TNFRSF19: variants seen among roughly 807,000 people sequenced by gnomAD.
The protein encoded by TNFRSF19 is TNF receptor superfamily member 19.
TNFRSF19 carries 27 observed loss-of-function variants against 46.4 expected under a neutral mutation model. The observed-to-expected ratio is 0.58, with a 90% CI of 0.43 to 0.80. The LOEUF is 0.80. TNFRSF19 is among the 30% of genes least tolerant of loss of function. The pLI, the probability that TNFRSF19 is intolerant of heterozygous loss-of-function variation, is 0.00. For missense variants in TNFRSF19, 511 were observed against 530.8 expected, an observed-to-expected ratio of 0.96 and a Z score of 0.37; for synonymous variants, 204 against 205.0, an observed-to-expected ratio of 1.00 and a Z score of 0.04.
At chr13:23,590,710 A>G (rs1341770468) in intron 2 of TNFRSF19, among the ~76,000 whole-genome samples, 1 of 152,232 alleles carries the variant, frequency 6.6e-6, no homozygotes, top group African/African-American at 2.4e-5. Flanking sequence ...TTTTGCATGT[A>G]ATTAATAAGT....
At chr13:23,615,699 T>A (rs1881230630) in intron 3 of TNFRSF19, among the ~76,000 whole-genome samples, 168 bp from the exon 4 acceptor site, 1 of 152,190 alleles carries the variant, frequency 6.6e-6, no homozygotes, top group South Asian at 2.1e-4. Context: ...GTAAGAGAGA[T>A]CATTAGCAGT....
At chr13:23,651,840 CTTTTTTT>C (rs71070609) in intron 5 of TNFRSF19, among the ~76,000 whole-genome samples, 7 of 35,994 alleles carry the variant, frequency 1.9e-4, no homozygotes, top group Non-Finnish European at 3.3e-4. Context: ...ACACTATAGT[CTTTTTTT>C]TTTTTTTTTT....
intron 3 of TNFRSF19, among the ~76,000 whole-genome samples, chr13:23,600,317 C>T (rs947275757): frequency 2.6e-5 from 4 of 152,140 alleles, no homozygotes; most frequent in African/African-American, 9.7e-5. Context: ...CAGAGAATCA[C>T]AATACACTGC....
chr13:23,619,822 C>T (rs1384321699), intron 4 of TNFRSF19, among the ~76,000 whole-genome samples: 3 of 152,108 alleles, frequency 2.0e-5, no homozygotes, highest in Admixed American at 2.0e-4. Flanking sequence ...TGGGGAAAGG[C>T]CTGACCTAGG....
chr13:23,586,630 G>C (rs1300146345), intron 1 of TNFRSF19, among the ~76,000 whole-genome samples: 3 of 152,216 alleles, frequency 2.0e-5, no homozygotes, highest in Admixed American at 2.0e-4. Flanking sequence ...GGCACAAGGG[G>C]TGTGCATTAT....
chr13:23,660,419 A>T lies in TNFRSF19; in HGVS notation c.665A>T (p.Asp222Val), dbSNP rs2138392954. 1 of 1,613,918 alleles carries T rather than the reference A, an allele frequency of 6.2e-7. No homozygotes were observed. The highest frequency in any genetic ancestry group is 8.5e-7 in the Non-Finnish European group (1 of 1,180,020). Residue 222 changes from aspartate (D) to valine (V), a missense_variant, in exon 7 of 10, where the codon GAC (aspartate) becomes GTC (valine). By Grantham distance (152) the Asp-to-Val change is radical. Around this residue, in one of 3 missense-constraint regions of TNFRSF19, gnomAD observed 376 missense variants for 372.7 expected, o/e 1.01. Transcript: ENST00000248484. ...AACGGCTCTGAGCTGTCGTGTTTTGACAGACCTCAGCTCCACGAATATGCC... is the reference window on the plus strand; with the variant it reads ...AACGGCTCTGAGCTGTCGTGTTTTGTCAGACCTCAGCTCCACGAATATGCC... ...QYNGSELSCF[D>V]RPQLHEYAHR...
At chr13:23,640,010 T>C (rs900265729) in intron 5 of TNFRSF19, among the ~76,000 whole-genome samples, 2 of 152,152 alleles carry the variant, frequency 1.3e-5, no homozygotes, top group Non-Finnish European at 2.9e-5. Context: ...GACCATCAAC[T>C]CACTTTATAG....
intron 1 of TNFRSF19, among the ~76,000 whole-genome samples, chr13:23,587,452 G>A (rs1244206213): frequency 6.6e-6 from 1 of 152,172 alleles, no homozygotes; most frequent in Non-Finnish European, 1.5e-5. Context: ...TCCCTTGAAG[G>A]AACAAGTTGT....
chr13:23,573,989 G>A (rs1196566962), intron 1 of TNFRSF19, among the ~76,000 whole-genome samples: 1 of 149,186 alleles, frequency 6.7e-6, no homozygotes, highest in Non-Finnish European at 1.5e-5. Flanking sequence ...GTGAACCCGG[G>A]AGGCAGAGCT....
At chr13:23,627,976 T>C (rs921948061) in intron 5 of TNFRSF19, among the ~76,000 whole-genome samples, 1 of 152,222 alleles carries the variant, frequency 6.6e-6, no homozygotes, top group African/African-American at 2.4e-5. Context: ...ATTTTTATAA[T>C]AGGTAAACAT....
chr13:23,614,585 G>A (rs565680703), intron 3 of TNFRSF19, among the ~76,000 whole-genome samples: 1 of 152,054 alleles, frequency 6.6e-6, no homozygotes, highest in South Asian at 2.1e-4. Context: ...TGCATTTGTG[G>A]GCATGCCCAG....
chr13:23,575,539 G>T (rs1048966599), intron 1 of TNFRSF19, among the ~76,000 whole-genome samples: 1 of 152,092 alleles, frequency 6.6e-6, no homozygotes, highest in African/African-American at 2.4e-5. Context: ...AGTGGGTATC[G>T]GGAATTACTT....
intron 9 of TNFRSF19, chr13:23,669,635 A>C: frequency 1.0e-6 from 1 of 985,230 alleles, no homozygotes; most frequent in Non-Finnish European, 1.2e-6. Flanking sequence ...TTGTGACCTG[A>C]GACCAGGTCA....
At chr13:23,595,932 C>G (rs1338379809) in intron 3 of TNFRSF19, among the ~76,000 whole-genome samples, 1 of 152,192 alleles carries the variant, frequency 6.6e-6, no homozygotes, top group East Asian at 1.9e-4. Context: ...CCCTACAAGC[C>G]AGAAGAGAGT....
Position 23,670,330 on chromosome 13 carries a change from C to CA in TNFRSF19, c.1245+1242dup, listed in dbSNP as rs1016963271. 1.1e-4 allele frequency among the ~76,000 whole-genome samples: 16 copies of CA among 150,392 alleles called. No homozygotes were observed. In the South Asian group the frequency reaches 1.3e-3, roughly 12 times the overall value. ...CCACCTTGTTTGCTTTTTTAAAGTA[C>CA]AAAAAAAAATTATCTGGAGAACTTT... On this transcript the variant is annotated intron_variant, in intron 9 of 9. Coordinates refer to ENST00000248484, the MANE Select transcript of TNFRSF19 (RefSeq NM_148957.4).
chr13:23,663,609 G>A (rs1044372300), intron 7 of TNFRSF19, among the ~76,000 whole-genome samples: 1 of 152,146 alleles, frequency 6.6e-6, no homozygotes, highest in Non-Finnish European at 1.5e-5. Flanking sequence ...TTGTCATGTG[G>A]TAGAATTTGG....
intron 5 of TNFRSF19, among the ~76,000 whole-genome samples, chr13:23,657,291 G>A (rs1467565110): frequency 1.3e-5 from 2 of 152,098 alleles, no homozygotes; most frequent in African/African-American, 4.8e-5. Context: ...TAACCCAAGT[G>A]TTTCTCTCTG....
chr13:23,653,617 G>T (rs1304213936), intron 5 of TNFRSF19, among the ~76,000 whole-genome samples: 2 of 152,158 alleles, frequency 1.3e-5, no homozygotes, highest in African/African-American at 4.8e-5. Flanking sequence ...GCACTGACAG[G>T]TGAGGAAGAT....
At position 23,625,934 on chromosome 13, in the gene TNFRSF19, A is replaced by G. The variant is rs545109253; in HGVS notation, c.360-773A>G. Among the ~76,000 whole-genome samples the G allele has an allele frequency of 2.0e-5, 3 of 152,326 alleles. No individual in the cohort carries two copies. The South Asian group carries it at 6.2e-4, about 32-fold the overall frequency. On this transcript the variant is annotated intron_variant, in intron 4 of 9. Transcript: ENST00000248484. ...ATCTTAAATTTTTTAAAAAAATTTA[A>G]TTGTGTCGTGCTTTTCAGTTTAATT...
Sources: gnomAD v4.1 joint callset for allele counts (sites outside exome capture counted in the v4.1 genomes callset) on GRCh38, gnomAD v4.1.1 for gene constraint, gnomAD v4.1.1 regional missense constraint, MANE v1.5 for transcripts, NCBI Gene and HGNC (gene_info 2026-07-23, HGNC 2026-07-21) for gene names.